WDR11: variants seen among roughly 807,000 people sequenced by gnomAD.
WDR11 encodes WD repeat-containing protein 11.
WDR11 carries 83 observed loss-of-function variants against 151.2 expected under a neutral mutation model. That is an observed-to-expected ratio of 0.55 (90% CI 0.46 to 0.66). The LOEUF is 0.66. WDR11 is among the 30% of genes least tolerant of loss of function. The probability of loss-of-function intolerance (pLI) is 0.00; values close to 1 mark genes in which losing one functional copy is unlikely to be tolerated. For synonymous variants in WDR11, 484 were observed against 533.1 expected, an observed-to-expected ratio of 0.91 and a Z score of 1.27; for missense variants, 1,301 against 1,480.9, an observed-to-expected ratio of 0.88 and a Z score of 1.99.
rs377654621 is a variant in WDR11 at position 120,851,391 on chromosome 10, C to T, written c.-30C>T. ...TGTCCGCCGCTTCCTGGTTGCGGGT[C>T]AGCGCCCAGGTCCTGGGCTGGCCGC... On this transcript the variant is annotated 5_prime_UTR_variant, in exon 1 of 29. Coordinates refer to ENST00000263461, the MANE Select transcript of WDR11 (RefSeq NM_018117.12). 15 of 1,593,312 alleles carry T rather than the reference C, an allele frequency of 9.4e-6. No homozygotes were observed. Among genetic ancestry groups the T allele is most frequent in the Non-Finnish European group, 1.3e-5 (15 of 1,169,940 alleles).
At position 120,908,834 on chromosome 10, in the gene WDR11, A is replaced by ACTGTT; in HGVS notation, c.*124_*128dup. 9.0e-7 allele frequency: 1 copy of ACTGTT among 1,107,208 alleles called. No individual in the cohort carries two copies. Among genetic ancestry groups the ACTGTT allele is most frequent in the South Asian group, 1.3e-5 (1 of 78,496 alleles). The allele number at this position is 1,107,208 out of a possible 1,614,324, so 68.6% of individuals were successfully genotyped here. The stretch of plus-strand genomic sequence containing the variant: ...ACAGGGTCCTGTGAGCTGTTTGACC[A>ACTGTT]CTGTTCTAAGACTATGTGTGCCCAA... On this transcript the variant is annotated 3_prime_UTR_variant, in exon 29 of 29. Coordinates refer to ENST00000263461, the MANE Select transcript of WDR11 (RefSeq NM_018117.12).
rs941497625 is a variant in WDR11 at position 120,889,178 on chromosome 10, T to C, written c.2222T>C (p.Val741Ala). ...NLNFWDLKGR[V>A]SRGIPTHRSW... ...AATTTCTGGGACTTGAAAGGCAGAG[T>C]ATCCAGGTATAAGCCAAGAATGAAA... The change falls in exon 17 of 29, where the codon GTA becomes GCA. Residue 741 changes from valine (V) to alanine (A), a missense_variant. Coordinates refer to ENST00000263461, the MANE Select transcript of WDR11 (RefSeq NM_018117.12). The C allele has an allele frequency of 6.3e-7, 1 of 1,590,776 alleles. No homozygotes were observed. Among genetic ancestry groups the C allele is most frequent in the Admixed American group, 1.7e-5 (1 of 59,964 alleles).
intron 19 of WDR11, among the ~76,000 whole-genome samples, chr10:120,894,382 G>A (rs1483421809): frequency 1.3e-5 from 2 of 152,044 alleles, no homozygotes; most frequent in African/African-American, 2.4e-5. Flanking sequence ...AGTCATTTTC[G>A]GTAATCTTGG....
chr10:120,888,627 G>C (rs1847308065), intron 16 of WDR11, among the ~76,000 whole-genome samples: 1 of 152,286 alleles, frequency 6.6e-6, no homozygotes, highest in East Asian at 1.9e-4. Context: ...TGTCAGTGAA[G>C]CTCTGGATCC....
chr10:120,871,589 C>G (rs1160798022), intron 10 of WDR11, among the ~76,000 whole-genome samples: 2 of 152,152 alleles, frequency 1.3e-5, no homozygotes, highest in Non-Finnish European at 2.9e-5. Context: ...AGTCGAGTCT[C>G]TGACGCTGTC....
rs1438635181 is a variant in WDR11 at position 120,890,835 on chromosome 10, A to G, written c.2463A>G (p.Leu821=). ...LASDDGCIRV[L]EMSMKSACFR... is the part of the protein sequence containing the mutation. ...CAGATGATGGGTGCATCAGAGTCCT[A>G]GAGATGTCTATGAAGTCTGCGTGCT... The change falls in exon 19 of 29, where the codon CTA becomes CTG. Residue 821 remains leucine (L), a synonymous_variant. Coordinates refer to ENST00000263461, the MANE Select transcript of WDR11 (RefSeq NM_018117.12). 6.2e-7 allele frequency: 1 copy of G among 1,613,740 alleles called. No individual in the cohort carries two copies. The highest frequency in any genetic ancestry group is 2.2e-5 in the East Asian group (1 of 44,868).
intron 26 of WDR11, 111 bp from the exon 27 acceptor site, chr10:120,905,765 A>C (rs889241635): frequency 1.2e-4 from 184 of 1,579,654 alleles, no homozygotes; most frequent in South Asian, 1.6e-4. Flanking sequence ...GTGCTAGTCA[A>C]GCAGAGCATA....
rs148417686 is a variant in WDR11 at position 120,899,991 on chromosome 10, C to T, written c.2516-38C>T. The T allele has an allele frequency of 3.9e-6, 6 of 1,550,632 alleles. No homozygotes were observed. In the East Asian group the frequency reaches 1.1e-4, roughly 29 times the overall value. On this transcript the variant is annotated intron_variant, in intron 19 of 28. Transcript: ENST00000263461. Reference sequence around the variant, plus strand: ...GCTGAAGCTTCACTGTAGTATAAAACTTCATTTTATTTTTAAAAACCTTTC... The same window carrying T: ...GCTGAAGCTTCACTGTAGTATAAAATTTCATTTTATTTTTAAAAACCTTTC...
chr10:120,858,857 T>A, intron 3 of WDR11, 61 bp downstream of exon 3: 1 of 1,607,202 alleles, frequency 6.2e-7, no homozygotes, highest in Non-Finnish European at 8.5e-7. Context: ...GAGTGGTTTT[T>A]TGGTTTTGGG....
intron 19 of WDR11, among the ~76,000 whole-genome samples, chr10:120,898,345 A>T (rs940873025): frequency 6.6e-6 from 1 of 152,238 alleles, no homozygotes; most frequent in Non-Finnish European, 1.5e-5. Context: ...AAAAGTAGGC[A>T]TGTATTCAAG....
chr10:120,871,473 G>A lies in WDR11; in HGVS notation c.1471+127G>A, dbSNP rs558722776. On this transcript the variant is annotated intron_variant, in intron 10 of 28. Transcript: ENST00000263461. Reference sequence around the variant, plus strand: ...AAGGAGATAGAGACTAAGTGAAACTGTAAATACTCATCCTGGAACTTAAAA... The same window carrying A: ...AAGGAGATAGAGACTAAGTGAAACTATAAATACTCATCCTGGAACTTAAAA... The A allele has an allele frequency of 3.1e-6, 3 of 959,444 alleles. No individual in the cohort carries two copies. The Admixed American group carries it at 8.2e-5, about 26-fold the overall frequency. 59.4% of individuals were successfully genotyped at this position (959,444 alleles called of 1,614,324 possible). A position where few individuals can be genotyped will look rare whatever the true frequency, so the allele number is the denominator to read the frequency against.
In WDR11 at chr10:120,886,332, CCCATCCATA is replaced by C. The variant is rs563866299; in HGVS notation, c.1974-353_1974-345del. Among the ~76,000 whole-genome samples, 20 of 152,152 alleles carry C rather than the reference CCCATCCATA, an allele frequency of 1.3e-4. No individual in the cohort carries two copies. The South Asian group carries it at 4.1e-3, about 32-fold the overall frequency. ...GGGAATCCTAAATTTGTGTATCATC[CCCATCCATA>C]CCAATCTTACAGATAAAAGGCTTCA... On this transcript the variant is annotated intron_variant, in intron 15 of 28. Coordinates refer to ENST00000263461, the MANE Select transcript of WDR11 (RefSeq NM_018117.12).
chr10:120,855,965 T>C (rs1242522766), intron 2 of WDR11: 1 of 152,228 alleles, frequency 6.6e-6, no homozygotes, highest in Non-Finnish European at 1.5e-5. Context: ...TTTCATCAAG[T>C]CTGATGTAAG....
In WDR11 at chr10:120,851,685, C is replaced by A. The variant is rs190675242; in HGVS notation, c.86+179C>A. ...TTGTTGTTACAAAAGTGATAATAGCCCCGTGTGGGAAATTCCCCCATGCAA... is the reference window on the plus strand; with the variant it reads ...TTGTTGTTACAAAAGTGATAATAGCACCGTGTGGGAAATTCCCCCATGCAA... On this transcript the variant is annotated intron_variant, in intron 1 of 28. Transcript: ENST00000263461. 2.3e-5 allele frequency: 16 copies of A among 694,146 alleles called. No homozygotes were observed. The Admixed American group carries it at 3.3e-4, about 14-fold the overall frequency. 43.0% of individuals were successfully genotyped at this position (694,146 alleles called of 1,614,324 possible).
chr10:120,858,396 T>C (rs1044782639), intron 2 of WDR11, among the ~76,000 whole-genome samples: 4 of 152,218 alleles, frequency 2.6e-5, no homozygotes, highest in Non-Finnish European at 5.9e-5. Context: ...ATATTAAGGC[T>C]GTGAATCATT....
chr10:120,890,601 A>G, intron 18 of WDR11, 115 bp from the exon 19 acceptor site: 1 of 1,182,294 alleles, frequency 8.5e-7, no homozygotes, highest in Middle Eastern at 2.0e-4. Context: ...GAGGCTGTTC[A>G]GTTCTAAACT....
At chr10:120,906,138 A>C in intron 27 of WDR11, 117 bp downstream of exon 27, 1 of 1,579,306 alleles carries the variant, frequency 6.3e-7, no homozygotes. Context: ...AGAAGTATAC[A>C]TTTCAGGTTT....
chr10:120,859,224 C>T (rs563493738), intron 3 of WDR11, among the ~76,000 whole-genome samples: 3 of 149,676 alleles, frequency 2.0e-5, no homozygotes, highest in South Asian at 4.3e-4. Flanking sequence ...CTTGTTTGTT[C>T]GTTTCATGTT....
intron 25 of WDR11, 94 bp from the exon 26 acceptor site, chr10:120,905,225 G>A (rs1244016365): frequency 1.3e-5 from 16 of 1,214,612 alleles, no homozygotes; most frequent in South Asian, 2.5e-5. Flanking sequence ...AAATGGGCAC[G>A]ACTAGATAAG....
Sources: gnomAD v4.1 joint callset for allele counts (sites outside exome capture counted in the v4.1 genomes callset) on GRCh38, gnomAD v4.1.1 for gene constraint, MANE v1.5 for transcripts, NCBI Gene and HGNC (gene_info 2026-07-23, HGNC 2026-07-21) for gene names.